Variants in A1CF observed in about 807,000 individuals in gnomAD.
A1CF encodes the protein APOBEC1 complementation factor.
A neutral mutation model predicts 68.9 loss-of-function variants in A1CF; 48 were observed. That is an observed-to-expected ratio of 0.70 (90% confidence interval 0.55 to 0.89). The LOEUF is 0.89. Ranked by LOEUF, A1CF falls within the 40% of genes least tolerant of loss-of-function variation. The pLI is 0.00. For synonymous variants in A1CF, 272 were observed against 260.4 expected (o/e 1.04, Z -0.43); for missense variants, 653 against 718.9 (o/e 0.91, Z 1.05).
chr10:50,876,144 G>T (rs1841501211), intron 1 of A1CF, among the ~76,000 whole-genome samples: 1 of 152,170 alleles, frequency 6.6e-6, no homozygotes. Context: ...TATTCCATCA[G>T]ATCTTGGGTA....
chr10:50,827,843 C>T, intron 7 of A1CF, among the ~76,000 whole-genome samples: 1 of 151,940 alleles, frequency 6.6e-6, no homozygotes, highest in East Asian at 1.9e-4. Flanking sequence ...ATCAGTGAAT[C>T]CAGGAGCTGT....
Position 50,804,151 on chromosome 10 carries a change from C to G in A1CF, c.*2578G>C, listed in dbSNP as rs1837722058. On this transcript the variant is annotated 3_prime_UTR_variant, in exon 13 of 13. Coordinates refer to ENST00000373997, the MANE Select transcript of A1CF (RefSeq NM_014576.4). ...AAAATTTTAGCAAAAAAACCAAAAC[C>G]ACTTCTACCTACTTATACAAAACTG... The G allele has an allele frequency of 2.6e-5, 4 of 152,058 alleles. No homozygotes were observed. Among genetic ancestry groups the G allele is most frequent in the Admixed American group, 2.6e-4 (4 of 15,270 alleles). 9.4% of individuals were successfully genotyped at this position (152,058 alleles called of 1,614,324 possible).
At position 50,821,239 on chromosome 10, in the gene A1CF, T is replaced by C. The variant is rs150451555; in HGVS notation, c.770-590A>G. On this transcript the variant is annotated intron_variant, in intron 7 of 12. Coordinates refer to ENST00000373997, the MANE Select transcript of A1CF (RefSeq NM_014576.4). ...AACAAAAAGAAGAAAAAGAAAGTTG[T>C]TTCCGAAAGAACATCTGGGAACAAA... Among the ~76,000 whole-genome samples, 167 of 152,302 alleles carry C rather than the reference T, an allele frequency of 1.1e-3. 1 individual carries two copies. The highest frequency in any genetic ancestry group is 3.9e-3 in the African/African-American group (161 of 41,572).
intron 1 of A1CF, among the ~76,000 whole-genome samples, chr10:50,876,081 T>G (rs1413012062): frequency 1.3e-5 from 2 of 152,226 alleles, no homozygotes; most frequent in African/African-American, 4.8e-5. Flanking sequence ...CCCACATGCC[T>G]AGGATTCCCA....
chr10:50,815,015 C>G (rs1471802168), intron 9 of A1CF, among the ~76,000 whole-genome samples: 3 of 152,112 alleles, frequency 2.0e-5, no homozygotes, highest in African/African-American at 7.2e-5. Flanking sequence ...CTAATATGAT[C>G]AATTTAGTTA....
chr10:50,812,554 C>T (rs900639237), intron 10 of A1CF, among the ~76,000 whole-genome samples: 8 of 152,134 alleles, frequency 5.3e-5, no homozygotes, highest in Non-Finnish European at 1.0e-4. Context: ...GAATTTGCGA[C>T]TATTATTTTT....
chr10:50,830,367 A>T (rs1294103434), intron 6 of A1CF, among the ~76,000 whole-genome samples: 2 of 152,154 alleles, frequency 1.3e-5, no homozygotes, highest in Non-Finnish European at 2.9e-5. Context: ...CCTTCTTTGT[A>T]AAGATTGACT....
intron 1 of A1CF, among the ~76,000 whole-genome samples, chr10:50,865,296 T>TTACTACTAC (rs34019432): frequency 6.6e-6 from 1 of 151,088 alleles, no homozygotes; most frequent in South Asian, 2.1e-4. Context: ...GCTGCTGCTA[T>TTACTACTAC]TACTACTACT....
intron 12 of A1CF, among the ~76,000 whole-genome samples, chr10:50,808,114 C>G (rs1393098199): frequency 6.6e-6 from 1 of 152,156 alleles, no homozygotes; most frequent in Non-Finnish European, 1.5e-5. Context: ...CACATGCATG[C>G]ATGTGTTTGT....
At chr10:50,834,040 A>C (rs549581881) in intron 6 of A1CF, among the ~76,000 whole-genome samples, 1 of 152,268 alleles carries the variant, frequency 6.6e-6, no homozygotes, top group Admixed American at 6.5e-5. Flanking sequence ...AGTGCTTGAA[A>C]ATTTCTGAAG....
rs1837708156 is a variant in A1CF, at chr10:50,803,764, T to C, written c.*2965A>G. The C allele has an allele frequency of 6.6e-6, 1 of 152,238 alleles. No individual in the cohort carries two copies. The highest frequency in any genetic ancestry group is 2.4e-5 in the African/African-American group (1 of 41,462). 9.4% of individuals were successfully genotyped at this position (152,238 alleles called of 1,614,324 possible). On this transcript the variant is annotated 3_prime_UTR_variant, in exon 13 of 13. Coordinates refer to ENST00000373997, the MANE Select transcript of A1CF (RefSeq NM_014576.4). Reference sequence around the variant, plus strand: ...TTTACTGGATGTTCCTAAATTATTGTTTTGTTATTATCACCTGGTTGGGTG... The same window carrying C: ...TTTACTGGATGTTCCTAAATTATTGCTTTGTTATTATCACCTGGTTGGGTG...
rs374801711 is a variant in A1CF at position 50,859,911 on chromosome 10, T to G, written c.30A>C (p.Gly10=). 1.5e-5 allele frequency: 25 copies of G among 1,613,992 alleles called. No individual in the cohort carries two copies. The African/African-American group carries it at 3.2e-4, about 21-fold the overall frequency. ...CTGCTTCCTTCTGAGTGCCGCTCAA[T>G]CCATCCCCGGATTTGTGATTTGATT... MESNHKSGD[G]LSGTQKEAAL... Residue 10 remains glycine (G), a synonymous_variant, in exon 3 of 13, where the codon GGA becomes GGC. Transcript: ENST00000373997.
At chr10:50,854,170 T>C (rs1490058217) in intron 3 of A1CF, among the ~76,000 whole-genome samples, 2 of 152,026 alleles carry the variant, frequency 1.3e-5, no homozygotes, top group African/African-American at 4.8e-5. Flanking sequence ...GCATTTATTA[T>C]AGAAAATTTA....
At chr10:50,836,017 T>A in intron 6 of A1CF, 57 bp downstream of exon 6, 1 of 1,459,292 alleles carries the variant, frequency 6.9e-7, no homozygotes, top group Non-Finnish European at 9.2e-7. Flanking sequence ...TTATTTTCTT[T>A]GCGGAGGCAG....
intron 3 of A1CF, among the ~76,000 whole-genome samples, chr10:50,848,519 T>C (rs1840097297): frequency 6.6e-6 from 1 of 152,206 alleles, no homozygotes; most frequent in African/African-American, 2.4e-5. Flanking sequence ...TTGTTTCCCA[T>C]AAATGAGCCC....
Position 50,805,252 on chromosome 10 carries a change from G to A in A1CF, c.*1477C>T, listed in dbSNP as rs1837767208. Reference sequence around the variant, plus strand: ...TTTGTGTTCTGTAAATTTTTTTAAGGGCCAAGGGATTTTAAAAAATGAAAA... The same window carrying A: ...TTTGTGTTCTGTAAATTTTTTTAAGAGCCAAGGGATTTTAAAAAATGAAAA... On this transcript the variant is annotated 3_prime_UTR_variant, in exon 13 of 13. Coordinates refer to ENST00000373997, the MANE Select transcript of A1CF (RefSeq NM_014576.4). The A allele has an allele frequency of 6.6e-6, 1 of 152,020 alleles. No individual in the cohort carries two copies. Among genetic ancestry groups the A allele is most frequent in the Non-Finnish European group, 1.5e-5 (1 of 67,996 alleles). The allele number at this position is 152,020 out of a possible 1,614,324, so 9.4% of individuals were successfully genotyped here.
At chr10:50,876,800 T>C (rs1424455604) in intron 1 of A1CF, among the ~76,000 whole-genome samples, 1 of 152,242 alleles carries the variant, frequency 6.6e-6, no homozygotes, top group Non-Finnish European at 1.5e-5. Flanking sequence ...AATAAATCTC[T>C]TTATTTGTAT....
intron 1 of A1CF, among the ~76,000 whole-genome samples, chr10:50,877,203 C>T (rs1209744815): frequency 1.3e-5 from 2 of 152,152 alleles, no homozygotes; most frequent in Non-Finnish European, 2.9e-5. Flanking sequence ...TCATGGTATA[C>T]AATGTAGATA....
At chr10:50,820,365 A>G (rs1838588850) in intron 8 of A1CF, among the ~76,000 whole-genome samples, 187 bp downstream of exon 8, 1 of 152,188 alleles carries the variant, frequency 6.6e-6, no homozygotes, top group African/African-American at 2.4e-5. Flanking sequence ...AAAGTTGGAT[A>G]TATTAGGTAC....
Sources: gnomAD v4.1 joint callset for allele counts (sites outside exome capture counted in the v4.1 genomes callset) on GRCh38, gnomAD v4.1.1 for gene constraint, MANE v1.5 for transcripts, NCBI Gene and HGNC (gene_info 2026-07-23, HGNC 2026-07-21) for gene names.